CHRM5: variants seen among roughly 807,000 people sequenced by gnomAD.
The protein encoded by CHRM5 is cholinergic receptor muscarinic 5, also known as muscarinic acetylcholine receptor M5.
Under a neutral mutation model 39.0 loss-of-function variants are expected in CHRM5, and 18 were observed. The ratio of observed to expected loss-of-function variants is 0.46; its 90% CI spans 0.32 to 0.68. CHRM5 has a LOEUF of 0.68. CHRM5 is among the 30% of genes least tolerant of loss of function. CHRM5 has a pLI of 0.04. For missense variants in CHRM5, 515 were observed against 651.1 expected (o/e 0.79, Z 2.28); for synonymous variants, 241 against 246.3 (o/e 0.98, Z 0.20).
intron 2 of CHRM5, among the ~76,000 whole-genome samples, chr15:34,048,446 C>A (rs187261702): frequency 1.3e-5 from 2 of 151,926 alleles, no homozygotes; most frequent in East Asian, 1.9e-4. Flanking sequence ...GGCCAGGCTG[C>A]TTCTTTAAGT....
At chr15:34,008,726 G>A (rs1218684519) in intron 1 of CHRM5, among the ~76,000 whole-genome samples, 13 of 151,958 alleles carry the variant, frequency 8.6e-5, no homozygotes, top group Admixed American at 6.6e-4. Context: ...CTGACCTCGT[G>A]ATCTGCCCGC....
chr15:34,015,037 C>T (rs980446231), intron 1 of CHRM5, among the ~76,000 whole-genome samples: 2 of 152,064 alleles, frequency 1.3e-5, no homozygotes, highest in Non-Finnish European at 2.9e-5. Flanking sequence ...AGTCCTGAAG[C>T]CTGAAAAGCT....
At chr15:34,028,112 G>T (rs1043085651) in intron 1 of CHRM5, among the ~76,000 whole-genome samples, 2 of 152,144 alleles carry the variant, frequency 1.3e-5, no homozygotes, top group Non-Finnish European at 2.9e-5. Flanking sequence ...CCCCCCCTCA[G>T]CAAAAGCTGG....
intron 2 of CHRM5, 41 bp from the exon 3 acceptor site, chr15:34,062,602 C>A: frequency 5.2e-5 from 36 of 697,332 alleles, no homozygotes; most frequent in South Asian, 1.1e-4. Context: ...ACAAGAAAAT[C>A]ATGCTGGTGT....
intron 1 of CHRM5, among the ~76,000 whole-genome samples, chr15:33,986,079 C>T (rs192019434): frequency 1.4e-5 from 2 of 146,328 alleles, no homozygotes; most frequent in East Asian, 4.1e-4. Context: ...GAAAACCTCA[C>T]ATTTCACTGT....
intron 1 of CHRM5, among the ~76,000 whole-genome samples, chr15:34,015,742 G>A (rs947437158): frequency 1.3e-5 from 2 of 151,872 alleles, no homozygotes; most frequent in African/African-American, 4.8e-5. Flanking sequence ...AATGTTCAAT[G>A]ACACGTCTCA....
intron 1 of CHRM5, among the ~76,000 whole-genome samples, chr15:34,008,734 C>T (rs940253856): frequency 3.9e-5 from 6 of 151,918 alleles, no homozygotes; most frequent in African/African-American, 1.5e-4. Context: ...GTGATCTGCC[C>T]GCTTCAGCCT....
intron 1 of CHRM5, among the ~76,000 whole-genome samples, chr15:34,006,350 C>T (rs1322489023): frequency 6.6e-6 from 1 of 150,684 alleles, no homozygotes; most frequent in Non-Finnish European, 1.5e-5. Context: ...TGAGAATTTG[C>T]GGGACAGAAC....
chr15:34,027,841 AAC>A (rs140322931), intron 1 of CHRM5, among the ~76,000 whole-genome samples: 23,127 of 75,776 alleles, frequency 0.31, 1,995 homozygotes, highest in Non-Finnish European at 0.48. Flanking sequence ...AAAAAAAAAA[AAC>A]TGACAAAAAC....
rs1900470535 is a variant in CHRM5 at position 34,064,895 on chromosome 15, C to T, written c.*579C>T. ...ACTATACTGTGGTTTGTTTTCCTGT[C>T]CCCACATCTGAGTGAAGGTCTTGCT... is the stretch of plus-strand genomic sequence containing the variant. On this transcript the variant is annotated 3_prime_UTR_variant, in exon 3 of 3. Coordinates refer to ENST00000383263, the MANE Select transcript of CHRM5 (RefSeq NM_012125.4). 6.0e-6 allele frequency: 1 copy of T among 167,890 alleles called. No homozygotes were observed. The highest frequency in any genetic ancestry group is 2.1e-4 in the South Asian group (1 of 4,844). The allele number at this position is 167,890 out of a possible 1,614,324, so 10.4% of individuals were successfully genotyped here.
rs1281396008 is a variant in CHRM5, at chr15:34,028,613, GACA to G, written c.-407-17926_-407-17924del. ...AAAAAGAAGACCCTGAATGAGAGAG[GACA>G]GCAAAGTGGCAAAGTGACTATAAAT... On this transcript the variant is annotated intron_variant, in intron 1 of 2. Transcript: ENST00000383263. 2.7e-3 allele frequency among the ~76,000 whole-genome samples: 410 copies of G among 152,192 alleles called. 1 individual carries two copies. Among genetic ancestry groups the G allele is most frequent in the Admixed American group, 7.2e-3 (110 of 15,270 alleles).
chr15:34,053,600 T>C (rs1285006343), intron 2 of CHRM5, among the ~76,000 whole-genome samples: 1 of 151,946 alleles, frequency 6.6e-6, no homozygotes, highest in East Asian at 1.9e-4. Flanking sequence ...ATTTCATAAA[T>C]GGTGCTGAGA....
At chr15:34,054,723 G>A (rs144704791) in intron 2 of CHRM5, among the ~76,000 whole-genome samples, 2 of 152,222 alleles carry the variant, frequency 1.3e-5, no homozygotes, top group Non-Finnish European at 2.9e-5. Flanking sequence ...AGAAGAATAG[G>A]TAATAGATGT....
intron 1 of CHRM5, among the ~76,000 whole-genome samples, chr15:33,983,525 T>C (rs1448720747): frequency 6.6e-6 from 1 of 152,120 alleles, no homozygotes; most frequent in African/African-American, 2.4e-5. Flanking sequence ...CTTGACCTCT[T>C]GTCCAAGGCA....
At chr15:34,021,345 G>C (rs918746184) in intron 1 of CHRM5, among the ~76,000 whole-genome samples, 30 of 151,730 alleles carry the variant, frequency 2.0e-4, no homozygotes, top group African/African-American at 7.3e-4. Flanking sequence ...GAGTACAATG[G>C]CGCCATCTTG....
chr15:33,970,027 T>C lies in CHRM5; in HGVS notation c.-408+877T>C, dbSNP rs1329654224. Among the ~76,000 whole-genome samples the C allele has an allele frequency of 2.6e-5, 4 of 152,114 alleles. No homozygotes were observed. The South Asian group carries it at 8.3e-4, about 32-fold the overall frequency. ...TTTTCATGAGTTTCATTGGAAAACT[T>C]AGGTCCAAAGCACCTTATCATAAAG... On this transcript the variant is annotated intron_variant, in intron 1 of 2. Coordinates refer to ENST00000383263, the MANE Select transcript of CHRM5 (RefSeq NM_012125.4).
intron 1 of CHRM5, among the ~76,000 whole-genome samples, chr15:34,010,769 T>G (rs555594586): frequency 3.9e-4 from 60 of 152,314 alleles, no homozygotes; most frequent in African/African-American, 1.2e-3. Flanking sequence ...TTACAATGTG[T>G]ATAACTGAAA....
At chr15:34,052,238 G>GA (rs369505121) in intron 2 of CHRM5, among the ~76,000 whole-genome samples, 2,422 of 151,256 alleles carry the variant, frequency 0.016, 55 homozygotes, top group African/African-American at 0.046. Flanking sequence ...CAGAACTAAA[G>GA]AAAAAAAACC....
chr15:33,978,704 T>A (rs1896002206), intron 1 of CHRM5, among the ~76,000 whole-genome samples: 1 of 151,846 alleles, frequency 6.6e-6, no homozygotes, highest in African/African-American at 2.4e-5. Flanking sequence ...ATAAATAAAA[T>A]TAAGGTGTAC....
Sources: gnomAD v4.1 joint callset for allele counts (sites outside exome capture counted in the v4.1 genomes callset) on GRCh38, gnomAD v4.1.1 for gene constraint, MANE v1.5 for transcripts, NCBI Gene and HGNC (gene_info 2026-07-23, HGNC 2026-07-21) for gene names.